Variants in PCDH9 observed in about 807,000 individuals in gnomAD.
PCDH9 encodes protocadherin 9, also known as protocadherin-9.
In PCDH9, 24 loss-of-function variants were observed where a neutral mutation model predicts 70.6. The ratio of observed to expected loss-of-function variants is 0.34; its 90% CI spans 0.25 to 0.48. PCDH9 has a LOEUF of 0.48. Among genes scored for constraint, PCDH9 ranks in the 20% least tolerant of loss-of-function variants. PCDH9 has a pLI of 0.99. For synonymous variants in PCDH9, 562 were observed against 558.5 expected (o/e 1.01, Z -0.09); for missense variants, 1,281 against 1,503.6 (o/e 0.85, Z 2.45).
At chr13:67,031,021 G>A (rs2084895231) in intron 2 of PCDH9, among the ~76,000 whole-genome samples, 1 of 152,106 alleles carries the variant, frequency 6.6e-6, no homozygotes, top group Non-Finnish European at 1.5e-5. Context: ...GTAAAATAAA[G>A]AAAAGGAGTT....
At position 66,729,617 on chromosome 13, in the gene PCDH9, C is replaced by T. The variant is rs192542836; in HGVS notation, c.3139-98206G>A. Among the ~76,000 whole-genome samples the T allele has an allele frequency of 9.9e-5, 15 of 152,284 alleles. No homozygotes were observed. The East Asian group carries it at 2.9e-3, about 29-fold the overall frequency. ...CTCATCCCCAACTTCTATACACCTTCCTTCCTGTCACACTGACCAAGGCAC... is the reference window on the plus strand; with the variant it reads ...CTCATCCCCAACTTCTATACACCTTTCTTCCTGTCACACTGACCAAGGCAC... On this transcript the variant is annotated intron_variant, in intron 3 of 4. Transcript: ENST00000377865.
At chr13:66,720,125 C>T (rs1411198694) in intron 3 of PCDH9, among the ~76,000 whole-genome samples, 1 of 151,814 alleles carries the variant, frequency 6.6e-6, no homozygotes, top group Non-Finnish European at 1.5e-5. Flanking sequence ...AACTTAGGAC[C>T]ATTTCCTAGA....
chr13:66,714,542 G>T (rs2078844623), intron 3 of PCDH9, among the ~76,000 whole-genome samples: 2 of 151,922 alleles, frequency 1.3e-5, no homozygotes, highest in African/African-American at 4.8e-5. Context: ...ATAAGTAACG[G>T]TTATGAAAAT....
chr13:66,664,922 C>CCT (rs2078072131), intron 3 of PCDH9, among the ~76,000 whole-genome samples: 1 of 152,076 alleles, frequency 6.6e-6, no homozygotes, highest in African/African-American at 2.4e-5. Flanking sequence ...TTTCCTAAGG[C>CCT]ATAGATAAAA....
intron 3 of PCDH9, among the ~76,000 whole-genome samples, chr13:66,819,979 T>C (rs1368601123): frequency 1.3e-5 from 2 of 152,194 alleles, no homozygotes; most frequent in Non-Finnish European, 2.9e-5. Flanking sequence ...TGATGTTCAA[T>C]AGAAAAGATA....
At chr13:66,748,823 T>C (rs1031531295) in intron 3 of PCDH9, among the ~76,000 whole-genome samples, 1 of 152,194 alleles carries the variant, frequency 6.6e-6, no homozygotes, top group Non-Finnish European at 1.5e-5. Context: ...ACATCTCTAA[T>C]GTGGTTTGGC....
chr13:66,862,416 G>A (rs2081499623), intron 3 of PCDH9, among the ~76,000 whole-genome samples: 1 of 152,080 alleles, frequency 6.6e-6, no homozygotes, highest in African/African-American at 2.4e-5. Flanking sequence ...GAAAAATACT[G>A]TTTTGTTAAC....
intron 2 of PCDH9, among the ~76,000 whole-genome samples, chr13:67,112,888 T>C (rs942868482): frequency 6.6e-6 from 1 of 150,954 alleles, no homozygotes; most frequent in Admixed American, 6.6e-5. Context: ...CTGGCTAATT[T>C]TTTGTAATTT....
chr13:66,994,338 A>G (rs2084064126), intron 2 of PCDH9, among the ~76,000 whole-genome samples: 1 of 152,186 alleles, frequency 6.6e-6, no homozygotes, highest in Admixed American at 6.5e-5. Context: ...CGGCCTGCAA[A>G]GCCGGACGCA....
At chr13:66,530,877 T>G (rs1411642757) in intron 4 of PCDH9, among the ~76,000 whole-genome samples, 1 of 152,066 alleles carries the variant, frequency 6.6e-6, no homozygotes, top group East Asian at 1.9e-4. Flanking sequence ...TTGAAGCATT[T>G]GCATACCTTT....
chr13:66,995,261 G>T (rs1353819313), intron 2 of PCDH9, among the ~76,000 whole-genome samples: 1 of 152,174 alleles, frequency 6.6e-6, no homozygotes, highest in Non-Finnish European at 1.5e-5. Flanking sequence ...CTTCTCAAGG[G>T]CATCGGAAAG....
intron 2 of PCDH9, among the ~76,000 whole-genome samples, chr13:67,065,887 G>A (rs1287085582): frequency 1.3e-5 from 2 of 151,942 alleles, no homozygotes; most frequent in East Asian, 1.9e-4. Context: ...TAGCAATCAC[G>A]GTGGGAAAGA....
intron 3 of PCDH9, among the ~76,000 whole-genome samples, chr13:66,770,576 G>C (rs1369773590): frequency 6.6e-6 from 1 of 152,072 alleles, no homozygotes; most frequent in Non-Finnish European, 1.5e-5. Context: ...TTTTCGGAGG[G>C]TCCAGCTAAT....
chr13:66,725,090 A>G (rs1205319657), intron 3 of PCDH9, among the ~76,000 whole-genome samples: 1 of 152,096 alleles, frequency 6.6e-6, no homozygotes, highest in Non-Finnish European at 1.5e-5. Flanking sequence ...TGTCAAAAAT[A>G]CACCCCCACA....
chr13:66,582,667 A>C (rs1202967659), intron 4 of PCDH9, among the ~76,000 whole-genome samples: 1 of 152,018 alleles, frequency 6.6e-6, no homozygotes, highest in African/African-American at 2.4e-5. Context: ...AAACAGATAA[A>C]ATATTAACGA....
intron 4 of PCDH9, among the ~76,000 whole-genome samples, chr13:66,586,549 A>T (rs11148708): frequency 0.26 from 39,752 of 152,004 alleles, 5,425 homozygotes; most frequent in South Asian, 0.35. Flanking sequence ...CTTGGTACAG[A>T]AGTCTCAAGG....
intron 2 of PCDH9, among the ~76,000 whole-genome samples, chr13:67,182,519 A>C (rs1026994567): frequency 6.6e-6 from 1 of 152,194 alleles, no homozygotes; most frequent in Non-Finnish European, 1.5e-5. Flanking sequence ...TTCTACACAT[A>C]GTAATCGAAA....
At chr13:67,089,209 T>A (rs1449684206) in intron 2 of PCDH9, among the ~76,000 whole-genome samples, 1 of 152,046 alleles carries the variant, frequency 6.6e-6, no homozygotes, top group East Asian at 1.9e-4. Flanking sequence ...GGATGTTTAA[T>A]TAGAGATTCA....
intron 3 of PCDH9, among the ~76,000 whole-genome samples, chr13:66,694,524 A>G (rs2078532027): frequency 6.6e-6 from 1 of 152,136 alleles, no homozygotes; most frequent in Admixed American, 6.5e-5. Flanking sequence ...AAAAAATATG[A>G]CCCATATAGG....
Sources: gnomAD v4.1 joint callset for allele counts (sites outside exome capture counted in the v4.1 genomes callset) on GRCh38, gnomAD v4.1.1 for gene constraint, MANE v1.5 for transcripts, NCBI Gene and HGNC (gene_info 2026-07-23, HGNC 2026-07-21) for gene names.